The following HS3ST5 variants were observed in gnomAD, a reference collection of about 807,000 sequenced individuals.
HS3ST5 encodes the protein heparan sulfate-glucosamine 3-sulfotransferase 5.
HS3ST5 carries 10 observed loss-of-function variants against 25.4 expected under a neutral mutation model. The observed-to-expected ratio is 0.39, with a 90% CI of 0.24 to 0.67. HS3ST5 has a LOEUF of 0.67. Among genes scored for constraint, HS3ST5 ranks in the 30% least tolerant of loss-of-function variants. HS3ST5 has a pLI of 0.44. For missense variants in HS3ST5, 324 were observed against 420.7 expected (o/e 0.77, Z 2.01); for synonymous variants, 170 against 162.4 (o/e 1.05, Z -0.36).
In HS3ST5 at chr6:114,197,767, A is replaced by G. The variant is rs1228632420; in HGVS notation, c.-144-29305T>C. Among the ~76,000 whole-genome samples, 4 of 152,156 alleles carry G rather than the reference A, an allele frequency of 2.6e-5. No homozygotes were observed. In the East Asian group the frequency reaches 7.7e-4, roughly 29 times the overall value. On this transcript the variant is annotated intron_variant, in intron 2 of 4. Transcript: ENST00000312719. ...GTTTCTGTGCTAATTTGCTTGGGAT[A>G]ATGGCCTCCAGCTGTATCTATGTTG...
chr6:114,288,510 A>G (rs1774434944), intron 1 of HS3ST5, among the ~76,000 whole-genome samples: 1 of 152,050 alleles, frequency 6.6e-6, no homozygotes, highest in South Asian at 2.1e-4. Flanking sequence ...GAAAAAGGAC[A>G]TAAGAACATA....
intron 1 of HS3ST5, among the ~76,000 whole-genome samples, chr6:114,321,934 A>C (rs995906574): frequency 6.6e-6 from 1 of 152,174 alleles, no homozygotes; most frequent in Non-Finnish European, 1.5e-5. Flanking sequence ...TATTAAGATC[A>C]TACTTATAAG....
chr6:114,057,185 G>A lies in HS3ST5; in HGVS notation c.*72C>T, dbSNP rs1772816836. ...ACTTGGATAGCTCTGCCTAGGAAAA[G>A]TGCATATTTTAATCTACAGGAGACA... On this transcript the variant is annotated 3_prime_UTR_variant, in exon 5 of 5. Transcript: ENST00000312719. The A allele has an allele frequency of 1.8e-6, 2 of 1,083,388 alleles. No homozygotes were observed. The highest frequency in any genetic ancestry group is 1.6e-5 in the African/African-American group (1 of 63,210). 67.1% of individuals were successfully genotyped at this position (1,083,388 alleles called of 1,614,324 possible).
intron 2 of HS3ST5, among the ~76,000 whole-genome samples, chr6:114,171,829 T>G (rs1168764764): frequency 6.6e-6 from 1 of 152,038 alleles, no homozygotes; most frequent in Non-Finnish European, 1.5e-5. Flanking sequence ...AACAACAAAA[T>G]AGTTCTCCCT....
At chr6:114,157,106 A>G (rs116129689) in intron 3 of HS3ST5, among the ~76,000 whole-genome samples, 95 of 152,116 alleles carry the variant, frequency 6.2e-4, no homozygotes, top group African/African-American at 2.1e-3. Flanking sequence ...TTCCTTCTGC[A>G]TCTTTTCCTT....
In HS3ST5 at chr6:114,290,636, G is replaced by T. The variant is rs552564328; in HGVS notation, c.-339+51559C>A. On this transcript the variant is annotated intron_variant, in intron 1 of 4. Coordinates refer to ENST00000312719, the MANE Select transcript of HS3ST5 (RefSeq NM_153612.4). ...CACTACTATGAATTTTTTTTAATGTGATTTGAATGCCAGATGGTATATCAG... is the reference window on the plus strand; with the variant it reads ...CACTACTATGAATTTTTTTTAATGTTATTTGAATGCCAGATGGTATATCAG... Among the ~76,000 whole-genome samples the T allele has an allele frequency of 2.6e-5, 4 of 152,120 alleles. No individual in the cohort carries two copies. In the South Asian group the frequency reaches 8.3e-4, roughly 32 times the overall value.
At chr6:114,227,156 C>G (rs1221414601) in intron 2 of HS3ST5, among the ~76,000 whole-genome samples, 4 of 151,494 alleles carry the variant, frequency 2.6e-5, no homozygotes, top group Non-Finnish European at 5.9e-5. Flanking sequence ...AAAAAGTACT[C>G]TATTATTTTA....
chr6:114,318,830 C>G (rs1775849670), intron 1 of HS3ST5, among the ~76,000 whole-genome samples: 1 of 152,196 alleles, frequency 6.6e-6, no homozygotes, highest in South Asian at 2.1e-4. Context: ...TCACTCAGCA[C>G]TATGCTTGGA....
intron 1 of HS3ST5, among the ~76,000 whole-genome samples, chr6:114,328,802 G>A (rs1234010367): frequency 6.6e-6 from 1 of 152,164 alleles, no homozygotes; most frequent in Non-Finnish European, 1.5e-5. Context: ...GATAAAAGAT[G>A]GGCTTGATAT....
At chr6:114,196,785 G>A (rs983490670) in intron 2 of HS3ST5, among the ~76,000 whole-genome samples, 14 of 151,904 alleles carry the variant, frequency 9.2e-5, no homozygotes, top group South Asian at 2.1e-4. Flanking sequence ...TTACTGTTTC[G>A]TTTAATGTAG....
At chr6:114,268,231 T>C (rs1311232468) in intron 1 of HS3ST5, among the ~76,000 whole-genome samples, 1 of 152,176 alleles carries the variant, frequency 6.6e-6, no homozygotes, top group Admixed American at 6.5e-5. Flanking sequence ...AGTGTAGATG[T>C]ATCAGGTATA....
intron 3 of HS3ST5, among the ~76,000 whole-genome samples, chr6:114,161,373 CA>C (rs1415171961): frequency 5.4e-5 from 8 of 149,158 alleles, no homozygotes; most frequent in Admixed American, 1.4e-4. Flanking sequence ...AAATGGATAA[CA>C]ATATGTTTTG....
chr6:114,077,652 T>C (rs780686711), intron 3 of HS3ST5, among the ~76,000 whole-genome samples: 25 of 152,308 alleles, frequency 1.6e-4, no homozygotes, highest in Admixed American at 3.9e-4. Flanking sequence ...GTAGCAAATA[T>C]CAGTTTTATA....
At chr6:114,210,419 A>T (rs1781461717) in intron 2 of HS3ST5, among the ~76,000 whole-genome samples, 1 of 152,198 alleles carries the variant, frequency 6.6e-6, no homozygotes, top group Non-Finnish European at 1.5e-5. Context: ...AAAAATGGAC[A>T]AGAAAACTGT....
rs1300872867 is a variant in HS3ST5, at chr6:114,329,547, G to C, written c.-339+12648C>G. 2.6e-5 allele frequency among the ~76,000 whole-genome samples: 4 copies of C among 152,118 alleles called. No homozygotes were observed. The East Asian group carries it at 7.7e-4, about 29-fold the overall frequency. On this transcript the variant is annotated intron_variant, in intron 1 of 4. Transcript: ENST00000312719. Reference sequence around the variant, plus strand: ...TCCCCTAACTTCTCTAACTTCTCTTGACATTTAAAATGAATGTGGTGGCAG... The same window carrying C: ...TCCCCTAACTTCTCTAACTTCTCTTCACATTTAAAATGAATGTGGTGGCAG...
At chr6:114,099,922 A>G (rs1775638260) in intron 3 of HS3ST5, among the ~76,000 whole-genome samples, 1 of 152,182 alleles carries the variant, frequency 6.6e-6, no homozygotes, top group Non-Finnish European at 1.5e-5. Flanking sequence ...ACTGCAGTCT[A>G]TGAATAAGGT....
intron 2 of HS3ST5, among the ~76,000 whole-genome samples, chr6:114,184,133 C>T (rs1011010981): frequency 4.4e-4 from 58 of 130,536 alleles, no homozygotes; most frequent in African/African-American, 1.6e-3. Context: ...GGCACAGTCT[C>T]GGCTCACTGC....
At chr6:114,242,766 T>C (rs1430079866) in intron 1 of HS3ST5, among the ~76,000 whole-genome samples, 1 of 148,392 alleles carries the variant, frequency 6.7e-6, no homozygotes, top group Non-Finnish European at 1.5e-5. Context: ...GGCAGGAGAA[T>C]GGCGTGAACC....
chr6:114,190,008 C>T (rs765756643), intron 2 of HS3ST5, among the ~76,000 whole-genome samples: 3 of 152,128 alleles, frequency 2.0e-5, no homozygotes, highest in Non-Finnish European at 4.4e-5. Context: ...AATGTGATTG[C>T]CAGGATTCTC....
Sources: gnomAD v4.1 joint callset for allele counts (sites outside exome capture counted in the v4.1 genomes callset) on GRCh38, gnomAD v4.1.1 for gene constraint, MANE v1.5 for transcripts, NCBI Gene and HGNC (gene_info 2026-07-23, HGNC 2026-07-21) for gene names.